The following RANBP17 variants were observed in gnomAD, a reference collection of about 807,000 sequenced individuals.
The protein encoded by RANBP17 is ran-binding protein 17.
RANBP17 carries 158 observed loss-of-function variants against 141.2 expected under a neutral mutation model. The ratio of observed to expected loss-of-function variants is 1.12; its 90% CI spans 0.98 to 1.28. RANBP17 has a LOEUF of 1.28. Ranked by LOEUF, RANBP17 falls within the 50% of genes most tolerant of loss-of-function variation. The probability of loss-of-function intolerance (pLI) is 0.00; values close to 1 mark genes in which losing one functional copy is unlikely to be tolerated. For synonymous variants in RANBP17, 430 were observed against 450.0 expected, an observed-to-expected ratio of 0.96 and a Z score of 0.56; for missense variants, 1,438 against 1,290.7, an observed-to-expected ratio of 1.11 and a Z score of -1.75.
chr5:170,960,627 A>G (rs1242211915), intron 13 of RANBP17, among the ~76,000 whole-genome samples: 1 of 152,144 alleles, frequency 6.6e-6, no homozygotes, highest in Non-Finnish European at 1.5e-5. Context: ...AGCTACTATC[A>G]TCTTTCACCT....
intron 14 of RANBP17, among the ~76,000 whole-genome samples, chr5:171,129,530 G>T (rs1378716924): frequency 6.6e-6 from 1 of 152,106 alleles, no homozygotes; most frequent in Non-Finnish European, 1.5e-5. Flanking sequence ...CAGGGGAGGT[G>T]ACAGGCATTC....
At chr5:171,252,761 C>A in intron 24 of RANBP17, 1 of 1,347,052 alleles carries the variant, frequency 7.4e-7, no homozygotes, top group Non-Finnish European at 1.1e-6. Context: ...TGTAGACTTG[C>A]TTCATATGAA....
rs180753104 is a variant in RANBP17, at chr5:171,212,526, G to T, written c.2232-1105G>T. Among the ~76,000 whole-genome samples the T allele has an allele frequency of 7.2e-5, 11 of 152,346 alleles. No homozygotes were observed. The East Asian group carries it at 1.9e-3, about 27-fold the overall frequency. On this transcript the variant is annotated intron_variant, in intron 20 of 27. Coordinates refer to ENST00000523189, the MANE Select transcript of RANBP17 (RefSeq NM_022897.5). ...TCATAGAGCAGAAATGCTAAGAGAT[G>T]AAGCTGGAGGTAGCCAAGAACCAAA...
chr5:171,132,374 G>T (rs1488177944), intron 14 of RANBP17, among the ~76,000 whole-genome samples: 1 of 150,140 alleles, frequency 6.7e-6, no homozygotes, highest in African/African-American at 2.5e-5. Context: ...TCTGACTTTA[G>T]TTGTTTTTTT....
At chr5:170,957,660 T>C (rs978693449) in intron 13 of RANBP17, among the ~76,000 whole-genome samples, 2 of 152,192 alleles carry the variant, frequency 1.3e-5, no homozygotes, top group African/African-American at 2.4e-5. Context: ...GTGCTTTTTG[T>C]TGGTGCTTTC....
Position 170,916,476 on chromosome 5 carries a change from T to G in RANBP17, c.846T>G (p.Cys282Trp). 6.4e-7 allele frequency: 1 copy of G among 1,563,838 alleles called. No individual in the cohort carries two copies. The highest frequency in any genetic ancestry group is 2.3e-5 in the East Asian group (1 of 43,738). The change falls in exon 9 of 28, where the codon TGT becomes TGG. Residue 282 changes from cysteine (C) to tryptophan (W), a missense_variant. By Grantham distance (215) the Cys-to-Trp change is radical. Transcript: ENST00000523189. Reference sequence around the variant, plus strand: ...TTGGTATTTTTTAGGCACTTTCATGTTTAGTTCAGTTTGCTTCGACAAGAA... The same window carrying G: ...TTGGTATTTTTTAGGCACTTTCATGGTTAGTTCAGTTTGCTTCGACAAGAA... ...PPLLSQLALS[C>W]LVQFASTRRS...
At chr5:171,159,938 A>AG (rs1269202325) in intron 14 of RANBP17, among the ~76,000 whole-genome samples, 2 of 150,798 alleles carry the variant, frequency 1.3e-5, no homozygotes, top group African/African-American at 4.9e-5. Context: ...AAAAAAAAAA[A>AG]AAAGAAAAAA....
chr5:171,091,320 T>C (rs1786254504), intron 14 of RANBP17, among the ~76,000 whole-genome samples: 1 of 152,064 alleles, frequency 6.6e-6, no homozygotes, highest in South Asian at 2.1e-4. Flanking sequence ...ATGGGGCGTT[T>C]AGCCCGTTTG....
chr5:171,016,586 A>T (rs10475968), intron 14 of RANBP17, among the ~76,000 whole-genome samples: 1 of 151,218 alleles, frequency 6.6e-6, no homozygotes, highest in African/African-American at 2.4e-5. Flanking sequence ...CACAATGTGC[A>T]GGTTTTTTAC....
chr5:171,145,399 T>C (rs1172786247), intron 14 of RANBP17, among the ~76,000 whole-genome samples: 1 of 152,202 alleles, frequency 6.6e-6, no homozygotes, highest in East Asian at 1.9e-4. Flanking sequence ...GATTTGTCTT[T>C]TTTTTTAAAT....
At chr5:171,039,437 T>C (rs932880315) in intron 14 of RANBP17, among the ~76,000 whole-genome samples, 3 of 152,066 alleles carry the variant, frequency 2.0e-5, no homozygotes, top group Admixed American at 1.3e-4. Flanking sequence ...GTATTTGTTT[T>C]TGTTTTTTTG....
intron 12 of RANBP17, among the ~76,000 whole-genome samples, chr5:170,930,657 C>G (rs568645396): frequency 5.3e-5 from 8 of 151,874 alleles, no homozygotes; most frequent in Admixed American, 5.3e-4. Flanking sequence ...GAGAACATGC[C>G]GTGTTTGGTT....
chr5:171,096,943 TTATAATG>T lies in RANBP17; in HGVS notation c.1711-73186_1711-73180del, dbSNP rs1169479088. On this transcript the variant is annotated intron_variant, in intron 14 of 27. Transcript: ENST00000523189. ...AAAATCATCTTTAGTACAAGAAGGA[TTATAATG>T]GTTTTGGTTGAAGTTATTCAGTGTT... 1.4e-3 allele frequency among the ~76,000 whole-genome samples: 213 copies of T among 152,286 alleles called. 2 individuals are homozygous for T. The highest frequency in any genetic ancestry group is 4.8e-3 in the African/African-American group (200 of 41,572).
At chr5:170,924,218 C>T in intron 11 of RANBP17, 139 bp from the exon 12 acceptor site, 1 of 542,422 alleles carries the variant, frequency 1.8e-6, no homozygotes, top group Non-Finnish European at 3.1e-6. Flanking sequence ...TGGTCTCAAA[C>T]TCCTGGCCCC....
chr5:170,937,250 G>T (rs188352781), intron 12 of RANBP17, among the ~76,000 whole-genome samples: 1 of 152,266 alleles, frequency 6.6e-6, no homozygotes, highest in Admixed American at 6.5e-5. Context: ...TGACTTAAAG[G>T]TTTTTTCCTC....
intron 15 of RANBP17, 77 bp downstream of exon 15, chr5:171,170,280 C>A: frequency 1.7e-6 from 1 of 595,266 alleles, no homozygotes; most frequent in African/African-American, 2.0e-5. Context: ...TGTATTTAAA[C>A]CTTTTTATAT....
At chr5:170,892,112 T>C (rs915112266) in intron 3 of RANBP17, among the ~76,000 whole-genome samples, 1 of 149,360 alleles carries the variant, frequency 6.7e-6, no homozygotes, top group African/African-American at 2.5e-5. Context: ...ACTTTTTTGT[T>C]TAAAGTTCAC....
rs182693434 is a variant in RANBP17 at position 171,174,920 on chromosome 5, A to T, written c.1865+3634A>T. Among the ~76,000 whole-genome samples, 34 of 151,942 alleles carry T rather than the reference A, an allele frequency of 2.2e-4. No individual in the cohort carries two copies. In the East Asian group the frequency reaches 5.6e-3, roughly 25 times the overall value. On this transcript the variant is annotated intron_variant, in intron 16 of 27. Transcript: ENST00000523189. ...CACCCATCAACCCATCATCTACATC[A>T]GGTATTTCTCCTAATGCTATCCCTC...
At chr5:171,121,208 G>T (rs29652) in intron 14 of RANBP17, among the ~76,000 whole-genome samples, 1 of 152,064 alleles carries the variant, frequency 6.6e-6, no homozygotes, top group Non-Finnish European at 1.5e-5. Context: ...GCAGTTGCTC[G>T]GCTGTCCTGG....
Sources: gnomAD v4.1 joint callset for allele counts (sites outside exome capture counted in the v4.1 genomes callset) on GRCh38, gnomAD v4.1.1 for gene constraint, MANE v1.5 for transcripts, NCBI Gene and HGNC (gene_info 2026-07-23, HGNC 2026-07-21) for gene names.